Variants in CDKAL1 observed in about 807,000 individuals in gnomAD.
CDKAL1 encodes the protein threonylcarbamoyladenosine tRNA methylthiotransferase.
In CDKAL1, 32 loss-of-function variants were observed where a neutral mutation model predicts 68.2. That is an observed-to-expected ratio of 0.47 (90% CI 0.35 to 0.63). The LOEUF is 0.63. Ranked by LOEUF, CDKAL1 falls within the 30% of genes least tolerant of loss-of-function variation. The pLI is 0.00. For missense variants in CDKAL1, 606 were observed against 696.7 expected, an observed-to-expected ratio of 0.87 and a Z score of 1.47; for synonymous variants, 234 against 244.3, an observed-to-expected ratio of 0.96 and a Z score of 0.39.
intron 11 of CDKAL1, among the ~76,000 whole-genome samples, chr6:21,041,822 A>C (rs997121854): frequency 1.3e-5 from 2 of 152,316 alleles, no homozygotes; most frequent in East Asian, 1.9e-4. Flanking sequence ...AACATCAAAT[A>C]AAAGTCCAAA....
intron 9 of CDKAL1, among the ~76,000 whole-genome samples, chr6:20,846,447 G>A (rs900214840): frequency 5.3e-5 from 8 of 152,060 alleles, no homozygotes; most frequent in Non-Finnish European, 8.8e-5. Flanking sequence ...AGACTCCATG[G>A]AAAAGACAAA....
intron 15 of CDKAL1, among the ~76,000 whole-genome samples, chr6:21,227,423 A>T (rs890831911): frequency 6.6e-6 from 1 of 152,262 alleles, no homozygotes; most frequent in Non-Finnish European, 1.5e-5. Context: ...CTGTCATCTG[A>T]GAAACTTTAA....
rs185098160 is a variant in CDKAL1, at chr6:21,098,273, C to A, written c.1237-10128C>A. 4.1e-3 allele frequency among the ~76,000 whole-genome samples: 620 copies of A among 152,222 alleles called. 6 individuals carry two copies. The highest frequency in any genetic ancestry group is 0.014 in the African/African-American group (564 of 41,542). ...TGAATATCTACTTACAGAGGAATGACCAAGTAGTGCTGAGGTGGCCTAAGT... is the reference window on the plus strand; with the variant it reads ...TGAATATCTACTTACAGAGGAATGAACAAGTAGTGCTGAGGTGGCCTAAGT... On this transcript the variant is annotated intron_variant, in intron 12 of 15. Coordinates refer to ENST00000274695, the MANE Select transcript of CDKAL1 (RefSeq NM_017774.3).
intron 7 of CDKAL1, among the ~76,000 whole-genome samples, chr6:20,777,276 G>T (rs752400977): frequency 2.0e-5 from 3 of 152,078 alleles, no homozygotes; most frequent in Non-Finnish European, 2.9e-5. Context: ...TGCTAGAAAT[G>T]GTATTTATAT....
intron 9 of CDKAL1, among the ~76,000 whole-genome samples, chr6:20,877,898 C>T (rs1207514503): frequency 6.6e-6 from 1 of 152,166 alleles, no homozygotes; most frequent in Non-Finnish European, 1.5e-5. Context: ...GCCCTAACCA[C>T]CCCACTTCCT....
At chr6:21,206,769 G>T (rs1249581355) in intron 15 of CDKAL1, among the ~76,000 whole-genome samples, 1 of 152,098 alleles carries the variant, frequency 6.6e-6, no homozygotes, top group African/African-American at 2.4e-5. Flanking sequence ...TTGTATAATG[G>T]AGCTAACAAC....
intron 5 of CDKAL1, among the ~76,000 whole-genome samples, chr6:20,698,105 A>G (rs1399102498): frequency 1.3e-5 from 2 of 152,162 alleles, no homozygotes; most frequent in Non-Finnish European, 2.9e-5. Context: ...GTTCCAATGT[A>G]TTCACATTGA....
At chr6:21,075,287 T>A (rs1772009967) in intron 12 of CDKAL1, among the ~76,000 whole-genome samples, 1 of 149,872 alleles carries the variant, frequency 6.7e-6, no homozygotes, top group Non-Finnish European at 1.5e-5. Flanking sequence ...CTCCCCGTCA[T>A]ATTTACTTTT....
At chr6:20,660,840 T>C (rs1478820764) in intron 5 of CDKAL1, among the ~76,000 whole-genome samples, 1 of 152,214 alleles carries the variant, frequency 6.6e-6, no homozygotes, top group Non-Finnish European at 1.5e-5. Context: ...AATATATTTA[T>C]GTTAAGTACA....
At chr6:21,176,875 T>G (rs1337142629) in intron 13 of CDKAL1, among the ~76,000 whole-genome samples, 2 of 151,628 alleles carry the variant, frequency 1.3e-5, no homozygotes, top group Non-Finnish European at 2.9e-5. Context: ...TTTTTTGTAG[T>G]TTTAGTAGAG....
intron 5 of CDKAL1, among the ~76,000 whole-genome samples, chr6:20,681,667 A>G (rs909468243): frequency 6.6e-6 from 1 of 152,014 alleles, no homozygotes; most frequent in Non-Finnish European, 1.5e-5. Flanking sequence ...GGAATTGCAA[A>G]GTGGTGGCAG....
intron 12 of CDKAL1, among the ~76,000 whole-genome samples, chr6:21,097,242 G>C (rs1382233502): frequency 1.3e-5 from 2 of 152,172 alleles, no homozygotes; most frequent in African/African-American, 4.8e-5. Context: ...GGCTGAGGCT[G>C]TTGGATTACC....
rs146230419 is a variant in CDKAL1, at chr6:21,126,658, G to A, written c.1299+18195G>A. Among the ~76,000 whole-genome samples the A allele has an allele frequency of 2.4e-4, 36 of 152,084 alleles. No individual in the cohort carries two copies. In the East Asian group the frequency reaches 7.0e-3, roughly 29 times the overall value. On this transcript the variant is annotated intron_variant, in intron 13 of 15. Transcript: ENST00000274695. Reference sequence around the variant, plus strand: ...TTTGTATTGCTCAAATTGCAGACGTGAGCTTGCCATTTTGAATTTCTAGTT... The same window carrying A: ...TTTGTATTGCTCAAATTGCAGACGTAAGCTTGCCATTTTGAATTTCTAGTT...
chr6:20,880,989 A>C (rs182561402), intron 9 of CDKAL1, among the ~76,000 whole-genome samples: 107 of 152,222 alleles, frequency 7.0e-4, no homozygotes, highest in Middle Eastern at 3.4e-3. Flanking sequence ...AAACCCACCA[A>C]CTCTGTTACC....
chr6:20,995,044 G>A lies in CDKAL1; in HGVS notation c.910-5183G>A, dbSNP rs182412133. ...CTTCAACAGGAATACATTCCATCTC[G>A]AAACCACTTTCTTTGCTCATCCATA... On this transcript the variant is annotated intron_variant, in intron 10 of 15. Coordinates refer to ENST00000274695, the MANE Select transcript of CDKAL1 (RefSeq NM_017774.3). Among the ~76,000 whole-genome samples the A allele has an allele frequency of 3.8e-4, 58 of 152,230 alleles. No individual in the cohort carries two copies. In the East Asian group the frequency reaches 8.1e-3, roughly 21 times the overall value.
intron 5 of CDKAL1, among the ~76,000 whole-genome samples, chr6:20,667,534 T>A (rs1769609397): frequency 6.6e-6 from 1 of 152,194 alleles, no homozygotes; most frequent in East Asian, 1.9e-4. Context: ...TAACAAGAAA[T>A]CTTGAGGAAG....
chr6:20,719,295 C>A (rs1244438871), intron 5 of CDKAL1, among the ~76,000 whole-genome samples: 1 of 152,188 alleles, frequency 6.6e-6, no homozygotes, highest in Non-Finnish European at 1.5e-5. Flanking sequence ...CAAACAGGTT[C>A]TTTGAGTTGT....
chr6:20,808,935 C>T (rs750778440), intron 8 of CDKAL1, among the ~76,000 whole-genome samples: 5 of 152,116 alleles, frequency 3.3e-5, no homozygotes, highest in Non-Finnish European at 7.4e-5. Context: ...CTCTTCTTGA[C>T]TACATGGCAT....
At chr6:20,775,624 T>C (rs1406309561) in intron 7 of CDKAL1, among the ~76,000 whole-genome samples, 1 of 152,246 alleles carries the variant, frequency 6.6e-6, no homozygotes, top group Non-Finnish European at 1.5e-5. Context: ...TGAGTCCTTG[T>C]CCTCTCTCCT....
Sources: gnomAD v4.1 joint callset for allele counts (sites outside exome capture counted in the v4.1 genomes callset) on GRCh38, gnomAD v4.1.1 for gene constraint, MANE v1.5 for transcripts, NCBI Gene and HGNC (gene_info 2026-07-23, HGNC 2026-07-21) for gene names.